Variants in MAN1A2 observed in about 807,000 individuals in gnomAD.
MAN1A2 encodes the protein mannosidase alpha class 1A member 2, also known as mannosyl-oligosaccharide 1,2-alpha-mannosidase IB.
MAN1A2 carries 26 observed loss-of-function variants against 75.7 expected under a neutral mutation model. The observed-to-expected ratio is 0.34, with a 90% CI of 0.25 to 0.48. MAN1A2 has a LOEUF of 0.48. MAN1A2 is among the 20% of genes least tolerant of loss of function. The pLI, the probability that MAN1A2 is intolerant of heterozygous loss-of-function variation, is 0.99. For synonymous variants in MAN1A2, 247 were observed against 264.6 expected (o/e 0.93, Z 0.65); for missense variants, 562 against 775.5 (o/e 0.72, Z 3.27).
intron 1 of MAN1A2, among the ~76,000 whole-genome samples, chr1:117,398,970 G>A (rs543320016): frequency 1.1e-4 from 16 of 152,090 alleles, no homozygotes; most frequent in Non-Finnish European, 1.6e-4. Flanking sequence ...TATTGGAAGC[G>A]TATTACAGTA....
At position 117,491,050 on chromosome 1, in the gene MAN1A2, T is replaced by TG. The variant is rs371752683; in HGVS notation, c.1169-2096dup. Among the ~76,000 whole-genome samples the TG allele has an allele frequency of 3.8e-3, 571 of 152,002 alleles. 7 individuals are homozygous for TG. The highest frequency in any genetic ancestry group is 0.013 in the African/African-American group (542 of 41,492). ...GGAAGCTGCCTCCAAAACATAAAGG[T>TG]GACAGGTGAAGCAGCAAATGCTGAT... On this transcript the variant is annotated intron_variant, in intron 8 of 12. Coordinates refer to ENST00000356554, the MANE Select transcript of MAN1A2 (RefSeq NM_006699.5).
At chr1:117,505,982 ACACT>A (rs889415999) in intron 12 of MAN1A2, among the ~76,000 whole-genome samples, 11 of 151,484 alleles carry the variant, frequency 7.3e-5, no homozygotes, top group African/African-American at 2.4e-4. Flanking sequence ...AGATACAAAA[ACACT>A]CAATCTGATT....
rs1181788554 is a variant in MAN1A2 at position 117,429,861 on chromosome 1, C to A, written c.855+9212C>A. The stretch of plus-strand genomic sequence containing the variant: ...GGCGGCTGGCCGGGCGGGGGGCCGA[C>A]CCCCCCACCTCCCTCCCAGATGGGG... On this transcript the variant is annotated intron_variant, in intron 5 of 12. Transcript: ENST00000356554. 2.6e-5 allele frequency among the ~76,000 whole-genome samples: 2 copies of A among 75,670 alleles called. 1 individual carries two copies. The highest frequency in any genetic ancestry group is 1.0e-4 in the African/African-American group (2 of 19,820). 49.6% of individuals were successfully genotyped at this position (75,670 alleles called of 152,430 possible).
chr1:117,387,873 A>G lies in MAN1A2; in HGVS notation c.303-14313A>G, dbSNP rs1653588238. ...TTTTCTCCATGTGTGCTTGTGAAGA[A>G]AGAGACAGCAGCTCTCTTTCTCTTC... On this transcript the variant is annotated intron_variant, in intron 1 of 12. Transcript: ENST00000356554. Among the ~76,000 whole-genome samples, 3 of 152,112 alleles carry G rather than the reference A, an allele frequency of 2.0e-5. No homozygotes were observed. In the South Asian group the frequency reaches 6.3e-4, roughly 32 times the overall value.
chr1:117,425,045 T>C (rs1019326404), intron 5 of MAN1A2, among the ~76,000 whole-genome samples: 5 of 149,162 alleles, frequency 3.4e-5, no homozygotes, highest in Admixed American at 2.0e-4. Flanking sequence ...ATAAAACCGA[T>C]TTCTTTTTCC....
chr1:117,461,433 G>C (rs1046217542), intron 7 of MAN1A2, among the ~76,000 whole-genome samples: 1 of 152,062 alleles, frequency 6.6e-6, no homozygotes, highest in African/African-American at 2.4e-5. Flanking sequence ...AAAAGGGGTT[G>C]GTTAGTGGGT....
intron 3 of MAN1A2, among the ~76,000 whole-genome samples, chr1:117,413,880 A>G (rs1647901527): frequency 6.6e-6 from 1 of 151,896 alleles, no homozygotes; most frequent in Admixed American, 6.6e-5. Context: ...TTTTTACTCT[A>G]CTAGTAGCAA....
At chr1:117,508,516 A>G (rs550608372) in intron 12 of MAN1A2, among the ~76,000 whole-genome samples, 2 of 151,756 alleles carry the variant, frequency 1.3e-5, no homozygotes, top group South Asian at 4.1e-4. Flanking sequence ...AAAGCTATAT[A>G]AGAATATGTC....
chr1:117,458,523 A>ATATTTTT (rs1553236643), intron 6 of MAN1A2, among the ~76,000 whole-genome samples: 17 of 105,604 alleles, frequency 1.6e-4, no homozygotes, highest in African/African-American at 5.9e-4. Flanking sequence ...ATATATATAT[A>ATATTTTT]TTTTTTTTTT....
chr1:117,372,762 T>A (rs912285574), intron 1 of MAN1A2, among the ~76,000 whole-genome samples: 23 of 151,768 alleles, frequency 1.5e-4, no homozygotes, highest in Non-Finnish European at 2.9e-4. Context: ...CTTTTTTTTT[T>A]AAAACTGACA....
intron 9 of MAN1A2, chr1:117,494,195 A>G (rs1279680360): frequency 6.6e-6 from 1 of 152,100 alleles, no homozygotes; most frequent in Admixed American, 6.6e-5. Context: ...ATATTGTTTC[A>G]TATTTAAATG....
At chr1:117,389,089 AT>A (rs1469832784) in intron 1 of MAN1A2, among the ~76,000 whole-genome samples, 3 of 152,246 alleles carry the variant, frequency 2.0e-5, no homozygotes, top group Non-Finnish European at 4.4e-5. Flanking sequence ...CAAAATGTCA[AT>A]GAGAATGACT....
intron 4 of MAN1A2, among the ~76,000 whole-genome samples, chr1:117,418,229 A>G (rs1372627492): frequency 6.6e-6 from 1 of 152,112 alleles, no homozygotes; most frequent in Middle Eastern, 3.2e-3. Flanking sequence ...ATAGTAATCA[A>G]CAAAACAGAG....
chr1:117,459,734 A>T (rs1649753990), intron 6 of MAN1A2, among the ~76,000 whole-genome samples: 1 of 152,204 alleles, frequency 6.6e-6, no homozygotes, highest in African/African-American at 2.4e-5. Context: ...TGTTTATGAG[A>T]TTATTCACTG....
chr1:117,499,348 A>C lies in MAN1A2; in HGVS notation c.1505-34A>C, dbSNP rs369103467. ...CCTTGCAAACAAACATAAATGGTTT[A>C]TTTTGCTCAGTTATTTCTTTTGTCA... On this transcript the variant is annotated intron_variant, in intron 10 of 12. Transcript: ENST00000356554. 1.6e-5 allele frequency: 23 copies of C among 1,459,728 alleles called. No homozygotes were observed. The African/African-American group carries it at 3.3e-4, about 21-fold the overall frequency. 90.4% of individuals were successfully genotyped at this position (1,459,728 alleles called of 1,614,324 possible).
chr1:117,434,281 C>G (rs1281425577), intron 5 of MAN1A2, among the ~76,000 whole-genome samples: 1 of 152,142 alleles, frequency 6.6e-6, no homozygotes, highest in Non-Finnish European at 1.5e-5. Flanking sequence ...TAGAGACTTT[C>G]AAGACCTTAC....
chr1:117,383,325 T>A (rs1429277741), intron 1 of MAN1A2, among the ~76,000 whole-genome samples: 4 of 152,242 alleles, frequency 2.6e-5, no homozygotes, highest in Non-Finnish European at 4.4e-5. Flanking sequence ...TACCTGCCTA[T>A]GCCTGTAGTT....
At chr1:117,457,588 A>G (rs1649643838) in intron 6 of MAN1A2, among the ~76,000 whole-genome samples, 1 of 152,140 alleles carries the variant, frequency 6.6e-6, no homozygotes, top group African/African-American at 2.4e-5. Context: ...TAGTATTTTG[A>G]AAAGTGTTAC....
chr1:117,407,665 T>A (rs1358906497), intron 3 of MAN1A2, among the ~76,000 whole-genome samples: 1 of 152,228 alleles, frequency 6.6e-6, no homozygotes, highest in Non-Finnish European at 1.5e-5. Flanking sequence ...CAGAGTCCTC[T>A]TTACATGCAG....
Sources: allele counts gnomAD v4.1 joint callset (sites outside exome capture counted in the v4.1 genomes callset), GRCh38; gene constraint gnomAD v4.1.1; transcripts MANE v1.5; gene names NCBI Gene and HGNC (gene_info 2026-07-23, HGNC 2026-07-21).